The following PDK3 variants were observed in gnomAD, a reference collection of about 807,000 sequenced individuals.
The protein encoded by PDK3 is pyruvate dehydrogenase kinase, isozyme 3.
Under a neutral mutation model 32.0 loss-of-function variants are expected in PDK3, and 12 were observed. That is an observed-to-expected ratio of 0.37 (90% CI 0.24 to 0.61). The LOEUF (loss-of-function observed/expected upper bound fraction) is 0.61, where lower values mean the gene tolerates loss of function less well. Ranked by LOEUF, PDK3 falls within the 20% of genes least tolerant of loss-of-function variation. The pLI, the probability that PDK3 is intolerant of heterozygous loss-of-function variation, is 0.65. For synonymous variants in PDK3, 122 were observed against 116.3 expected, an observed-to-expected ratio of 1.05 and a Z score of -0.31; for missense variants, 188 against 316.9, an observed-to-expected ratio of 0.59 and a Z score of 3.09.
intron 1 of PDK3, among the ~76,000 whole-genome samples, chrX:24,487,815 C>T (rs1362872975): frequency 9.1e-6 from 1 of 109,332 alleles, no homozygotes; most frequent in African/African-American, 3.3e-5. Context: ...GTAATCCAGA[C>T]AGAGGAGACT....
chrX:24,509,386 T>TTA (rs1922063733), intron 5 of PDK3, among the ~76,000 whole-genome samples: 1 of 111,561 alleles, frequency 9.0e-6, no homozygotes, highest in Non-Finnish European at 1.9e-5. Flanking sequence ...TAATCATTCC[T>TTA]GCCACTCACT....
At chrX:24,498,656 A>G (rs902337457) in intron 2 of PDK3, among the ~76,000 whole-genome samples, 173 bp from the exon 3 acceptor site, 2 of 111,385 alleles carry the variant, frequency 1.8e-5, no homozygotes, top group African/African-American at 6.5e-5. Flanking sequence ...ACCACCCAGG[A>G]TCTTTGGAGG....
At chrX:24,528,020 C>T (rs1490255266) in intron 8 of PDK3, 56 bp from the exon 9 acceptor site, 1 of 683,664 alleles carries the variant, frequency 1.5e-6, no homozygotes, top group East Asian at 3.2e-5. Context: ...CCATTGCCTC[C>T]TACTAAGTAT....
At chrX:24,510,003 T>G (rs1360465725) in intron 5 of PDK3, among the ~76,000 whole-genome samples, 1 of 112,303 alleles carries the variant, frequency 8.9e-6, no homozygotes, top group Non-Finnish European at 1.9e-5. Flanking sequence ...AGTTGAATGC[T>G]TTGGAAGGAC....
chrX:24,540,084 G>A (rs1602132323), exon 12 of PDK3, among the ~76,000 whole-genome samples: 1 of 112,146 alleles, frequency 8.9e-6, no homozygotes, highest in Non-Finnish European at 1.9e-5. Context: ...GTTTATTTTT[G>A]AAAAATGCTC....
intron 3 of PDK3, among the ~76,000 whole-genome samples, chrX:24,502,441 C>T (rs910499212): frequency 1.8e-5 from 2 of 112,070 alleles, no homozygotes; most frequent in East Asian, 5.5e-4. Context: ...ACTGACTTGT[C>T]TTATACCATT....
At chrX:24,473,929 A>T (rs1458326473) in intron 1 of PDK3, among the ~76,000 whole-genome samples, 1 of 112,121 alleles carries the variant, frequency 8.9e-6, no homozygotes, top group East Asian at 2.8e-4. Flanking sequence ...TCTCTTAATT[A>T]TATAAGAAAA....
intron 3 of PDK3, among the ~76,000 whole-genome samples, chrX:24,500,440 C>T (rs769429428): frequency 8.1e-5 from 9 of 111,677 alleles, no homozygotes; most frequent in East Asian, 5.6e-4. Flanking sequence ...CGACTATACA[C>T]GATGTTAAAT....
chrX:24,540,027 G>A (rs911046492), exon 12 of PDK3, among the ~76,000 whole-genome samples: 4 of 111,709 alleles, frequency 3.6e-5, no homozygotes, highest in Non-Finnish European at 5.6e-5. Context: ...TGTATGATGC[G>A]CTTTACTAGT....
intron 6 of PDK3, among the ~76,000 whole-genome samples, chrX:24,524,834 C>A (rs1922483880): frequency 8.9e-6 from 1 of 111,791 alleles, no homozygotes; most frequent in Non-Finnish European, 1.9e-5. Flanking sequence ...ATTTTTAAGC[C>A]GTTTACATAT....
At chrX:24,490,977 T>A (rs1008468428) in intron 1 of PDK3, among the ~76,000 whole-genome samples, 1 of 111,036 alleles carries the variant, frequency 9.0e-6, no homozygotes, top group Non-Finnish European at 1.9e-5. Flanking sequence ...TTCTTCTACT[T>A]CTTCCCTATT....
intron 1 of PDK3, 26 bp downstream of exon 1, chrX:24,465,587 T>C (rs1045653841): frequency 2.2e-5 from 24 of 1,068,083 alleles, no homozygotes; most frequent in Non-Finnish European, 3.1e-5. Context: ...AGGGTCCCCA[T>C]GGGCCCGGGG....
chrX:24,537,970 A>C (rs1209189542), downstream of PDK3, among the ~76,000 whole-genome samples: 1 of 112,179 alleles, frequency 8.9e-6, no homozygotes, highest in African/African-American at 3.2e-5. Flanking sequence ...GATCATATCA[A>C]TTTCTGTTGA....
intron 2 of PDK3, 72 bp downstream of exon 2, chrX:24,494,955 T>C: frequency 2.1e-6 from 2 of 946,546 alleles, no homozygotes; most frequent in Non-Finnish European, 3.0e-6. Context: ...GACCATTCTC[T>C]GTAAAAGTGC....
At chrX:24,508,905 C>T (rs772380646) in intron 5 of PDK3, among the ~76,000 whole-genome samples, 34 of 110,796 alleles carry the variant, frequency 3.1e-4, no homozygotes, top group Non-Finnish European at 5.9e-4. Context: ...AGAGATGAGG[C>T]CATTTGACCA....
chrX:24,526,521 A>T (rs1265494063), intron 7 of PDK3, among the ~76,000 whole-genome samples: 1 of 112,358 alleles, frequency 8.9e-6, no homozygotes, highest in Non-Finnish European at 1.9e-5. Context: ...TAGTGATTTT[A>T]TGTAAAATCC....
At chrX:24,540,722 G>C (rs939489601) in exon 12 of PDK3, among the ~76,000 whole-genome samples, 22 of 109,281 alleles carry the variant, frequency 2.0e-4, no homozygotes, top group Admixed American at 1.9e-3. Context: ...AAGAAATACT[G>C]ATGTACTTCT....
chrX:24,545,444 G>A (rs1182178447), exon 12 of PDK3: 2 of 111,686 alleles, frequency 1.8e-5, no homozygotes, highest in Non-Finnish European at 3.8e-5. Flanking sequence ...CTGGGGCTGG[G>A]GTTTTATTTG....
chrX:24,483,405 A>G (rs894493768), intron 1 of PDK3, among the ~76,000 whole-genome samples: 6 of 111,823 alleles, frequency 5.4e-5, no homozygotes, highest in Non-Finnish European at 1.1e-4. Context: ...TGTTACTCAC[A>G]TGCTCTAGCT....
Sources: gnomAD v4.1 joint callset for allele counts (sites outside exome capture counted in the v4.1 genomes callset) on GRCh38, gnomAD v4.1.1 for gene constraint, MANE v1.5 for transcripts, NCBI Gene and HGNC (gene_info 2026-07-23, HGNC 2026-07-21) for gene names.